TRMT11: variants seen among roughly 807,000 people sequenced by gnomAD.
TRMT11 encodes the protein tRNA (guanine(10)-N(2))-methyltransferase TRMT11.
In TRMT11, 53 loss-of-function variants were observed where a neutral mutation model predicts 62.8. The observed-to-expected ratio is 0.84, with a 90% CI of 0.68 to 1.06. The LOEUF (loss-of-function observed/expected upper bound fraction) is 1.06, where lower values mean the gene tolerates loss of function less well. Ranked by LOEUF, TRMT11 falls within the 50% of genes least tolerant of loss-of-function variation. The pLI is 0.00. For synonymous variants in TRMT11, 188 were observed against 190.3 expected (o/e 0.99, Z 0.10); for missense variants, 556 against 553.4 (o/e 1.00, Z -0.05).
the TRMT11 span, among the ~76,000 whole-genome samples, chr6:126,243,990 C>T: frequency 6.6e-6 from 1 of 152,124 alleles, no homozygotes; most frequent in African/African-American, 2.4e-5. Context: ...ATGATTCTAC[C>T]ACATTTTAGT....
At chr6:126,188,801 A>G (rs1562344552) in intron 1 of TRMT11, among the ~76,000 whole-genome samples, 2 of 152,134 alleles carry the variant, frequency 1.3e-5, no homozygotes, top group African/African-American at 2.4e-5. Context: ...CTTACAACCA[A>G]TTTCAAAATA....
intron 4 of TRMT11, 32 bp from the exon 5 acceptor site, chr6:125,998,191 A>G (rs760348281): frequency 1.6e-5 from 25 of 1,596,096 alleles, no homozygotes; most frequent in Non-Finnish European, 2.0e-5. Context: ...TAGAATTAAA[A>G]TACTCAAAAA....
rs137910645 is a variant in TRMT11, at chr6:126,183,666, C to T, written n.143+6331C>T. 9.7e-3 allele frequency among the ~76,000 whole-genome samples: 1,472 copies of T among 152,254 alleles called. 12 individuals carry two copies. Among genetic ancestry groups the T allele is most frequent in the Non-Finnish European group, 0.016 (1,102 of 68,006 alleles). Reference sequence around the variant, plus strand: ...AATTGAAATGAGATCCTGTGATCTGCAGAGCACCTGCTCTGGGAACTCATC... The same window carrying T: ...AATTGAAATGAGATCCTGTGATCTGTAGAGCACCTGCTCTGGGAACTCATC... On this transcript the variant is annotated intron_variant and non_coding_transcript_variant, in intron 1 of 3. Transcript: ENST00000444229.
intron 12 of TRMT11, among the ~76,000 whole-genome samples, chr6:126,032,614 G>A (rs1420158154): frequency 1.3e-5 from 2 of 151,998 alleles, no homozygotes; most frequent in African/African-American, 4.8e-5. Context: ...TCCCTTCACC[G>A]CTTCTGGATA....
At chr6:126,224,605 A>C in the TRMT11 span, among the ~76,000 whole-genome samples, 2 of 152,226 alleles carry the variant, frequency 1.3e-5, no homozygotes, top group Non-Finnish European at 2.9e-5. Flanking sequence ...TGGTGGCAGC[A>C]CGGCCCATGC....
chr6:125,998,759 A>T, intron 6 of TRMT11, 75 bp downstream of exon 6: 1 of 1,430,022 alleles, frequency 7.0e-7, no homozygotes. Context: ...GTTGACTCCT[A>T]TGTAGAACTT....
intron 17 of TRMT11, among the ~76,000 whole-genome samples, chr6:126,091,131 G>A (rs1777271204): frequency 6.6e-6 from 1 of 151,810 alleles, no homozygotes; most frequent in Admixed American, 6.6e-5. Context: ...GTGGCTGAGG[G>A]AGGTGGAGGT....
intron 21 of TRMT11, among the ~76,000 whole-genome samples, chr6:126,163,191 G>A (rs1241430135): frequency 1.3e-5 from 2 of 152,062 alleles, no homozygotes; most frequent in African/African-American, 4.8e-5. Context: ...CATTGGCTGT[G>A]GGTTTTTCAT....
At chr6:126,117,310 G>A (rs963284565) in intron 21 of TRMT11, among the ~76,000 whole-genome samples, 4 of 151,976 alleles carry the variant, frequency 2.6e-5, no homozygotes, top group African/African-American at 9.7e-5. Flanking sequence ...TCTGGATACT[G>A]AGCAACACTG....
At chr6:126,050,329 CAAAAA>C (rs536546298) in intron 16 of TRMT11, among the ~76,000 whole-genome samples, 1 of 68,434 alleles carries the variant, frequency 1.5e-5, no homozygotes, top group Non-Finnish European at 3.7e-5. Flanking sequence ...GACTTCATCT[CAAAAA>C]AAAAAAAAAA....
chr6:126,151,809 T>TCTCTTTCTTTAGTTTC (rs1778046283), intron 21 of TRMT11, among the ~76,000 whole-genome samples: 1 of 81,466 alleles, frequency 1.2e-5, no homozygotes, highest in African/African-American at 5.0e-5. Flanking sequence ...CTCTGTCTTT[T>TCTCTTTCTTTAGTTTC]CTTTCTTTCT....
At chr6:126,174,171 A>T (rs1562340675), upstream of TRMT11, among the ~76,000 whole-genome samples, 1 of 152,132 alleles carries the variant, frequency 6.6e-6, no homozygotes, top group African/African-American at 2.4e-5. Context: ...TATCCTCAGG[A>T]ATGGCATTGG....
At chr6:126,264,872 A>G in the TRMT11 span, among the ~76,000 whole-genome samples, 1 of 152,140 alleles carries the variant, frequency 6.6e-6, no homozygotes, top group Non-Finnish European at 1.5e-5. Context: ...ATAGTCATAT[A>G]ATCCCATTCT....
chr6:126,165,242 G>A (rs1368319446), intron 21 of TRMT11, among the ~76,000 whole-genome samples: 2 of 149,808 alleles, frequency 1.3e-5, no homozygotes, highest in African/African-American at 2.5e-5. Flanking sequence ...GGGTGCCACT[G>A]TACTCCAGCC....
Position 125,986,583 on chromosome 6 carries a change from G to A in TRMT11, c.33G>A (p.Leu11=), listed in dbSNP as rs1281950785. MALSCTLNRY[L]LLMAQEHLEF... is the part of the protein sequence containing the mutation. ...TGTCGTGTACCCTTAACAGGTATCT[G>A]CTCCTCATGGCGCAGGAGCATCTGG... is the stretch of plus-strand genomic sequence containing the variant. Residue 11 remains leucine (L), a synonymous_variant, in exon 1 of 13, where the codon CTG becomes CTA. Coordinates refer to ENST00000334379, the MANE Select transcript of TRMT11 (RefSeq NM_001031712.3). 1 of 1,589,450 alleles carries A rather than the reference G, an allele frequency of 6.3e-7. No individual in the cohort carries two copies. Among genetic ancestry groups the A allele is most frequent in the Non-Finnish European group, 8.5e-7 (1 of 1,170,192 alleles).
At chr6:126,255,402 T>A in the TRMT11 span, among the ~76,000 whole-genome samples, 1 of 152,210 alleles carries the variant, frequency 6.6e-6, no homozygotes, top group Admixed American at 6.5e-5. Flanking sequence ...GAAATATTGT[T>A]AAATTGCCAC....
intron 17 of TRMT11, among the ~76,000 whole-genome samples, chr6:126,072,648 TTAAA>T (rs1408731719): frequency 6.6e-6 from 1 of 152,208 alleles, no homozygotes; most frequent in Non-Finnish European, 1.5e-5. Context: ...ACTGGGTAGC[TTAAA>T]TAACACAAAT....
chr6:126,231,794 GC>G, the TRMT11 span, among the ~76,000 whole-genome samples: 55 of 152,308 alleles, frequency 3.6e-4, 1 homozygote, highest in Admixed American at 3.5e-3. Flanking sequence ...CATTTGTGTT[GC>G]TTGGATTAAC....
At chr6:126,231,355 G>T in the TRMT11 span, among the ~76,000 whole-genome samples, 1 of 151,998 alleles carries the variant, frequency 6.6e-6, no homozygotes, top group East Asian at 1.9e-4. Flanking sequence ...TTGGAGATTT[G>T]TGATAATTTG....
Sources: gnomAD v4.1 joint callset for allele counts (sites outside exome capture counted in the v4.1 genomes callset) on GRCh38, gnomAD v4.1.1 for gene constraint, MANE v1.5 for transcripts, NCBI Gene and HGNC (gene_info 2026-07-23, HGNC 2026-07-21) for gene names.